The following ADRA1B variants were observed in gnomAD, a reference collection of about 807,000 sequenced individuals.
The protein encoded by ADRA1B is alpha-1B adrenergic receptor.
ADRA1B carries 17 observed loss-of-function variants against 17.9 expected under a neutral mutation model. That is an observed-to-expected ratio of 0.95 (90% CI 0.65 to 1.42). The LOEUF (loss-of-function observed/expected upper bound fraction) is 1.42, where lower values mean the gene tolerates loss of function less well. Among genes scored for constraint, ADRA1B ranks in the 40% most tolerant of loss-of-function variants. The pLI is 0.00. For synonymous variants in ADRA1B, 366 were observed against 327.6 expected, an observed-to-expected ratio of 1.12 and a Z score of -1.27; for missense variants, 681 against 722.1, an observed-to-expected ratio of 0.94 and a Z score of 0.65.
Position 159,972,025 on chromosome 5 carries a change from C to T in ADRA1B, c.1096C>T (p.Gln366Ter), listed in dbSNP as rs763518191. ...KRAFVRILGC[Q>*]CRGRGRRRRR... ...CGCTTTCGTGCGCATCCTCGGGTGC[C>T]AGTGCCGCGGCCGCGGCCGCCGCCG... Residue 366 changes from glutamine (Q) to a stop codon, truncating the protein, a stop_gained, in exon 2 of 2, where the codon CAG (glutamine) becomes TAG (stop). Transcript: ENST00000306675. LOFTEE classifies it low-confidence loss of function (END_TRUNC). 4.2e-6 allele frequency: 6 copies of T among 1,436,704 alleles called. No individual in the cohort carries two copies. The Admixed American group carries it at 7.2e-5, about 17-fold the overall frequency. The allele number at this position is 1,436,704 out of a possible 1,614,324, so 89.0% of individuals were successfully genotyped here. A position where few individuals can be genotyped will look rare whatever the true frequency, so the allele number is the denominator to read the frequency against.
At chr5:159,985,803 A>G in the ADRA1B span, among the ~76,000 whole-genome samples, 2 of 152,230 alleles carry the variant, frequency 1.3e-5, no homozygotes, top group African/African-American at 4.8e-5. Context: ...ACAAAGCCTG[A>G]TCCTGCATTG....
At chr5:159,865,780 T>A (rs1303934516) in intron 1 of ADRA1B, among the ~76,000 whole-genome samples, 2 of 152,200 alleles carry the variant, frequency 1.3e-5, no homozygotes, top group Non-Finnish European at 2.9e-5. Flanking sequence ...CTTTGTAAAA[T>A]ATATGCTTCC....
chr5:159,952,322 T>C (rs6871307), intron 1 of ADRA1B, among the ~76,000 whole-genome samples: 4,361 of 152,226 alleles, frequency 0.029, 209 homozygotes, highest in African/African-American at 0.099. Flanking sequence ...AATAATAAAA[T>C]AGAATGAGTG....
chr5:159,984,720 A>C, the ADRA1B span, among the ~76,000 whole-genome samples: 2 of 150,794 alleles, frequency 1.3e-5, no homozygotes, highest in Admixed American at 1.3e-4. Context: ...CAACATGGCG[A>C]TACCCCATCC....
At chr5:159,871,840 G>A (rs529727627) in intron 1 of ADRA1B, among the ~76,000 whole-genome samples, 1 of 152,130 alleles carries the variant, frequency 6.6e-6, no homozygotes, top group Non-Finnish European at 1.5e-5. Context: ...ATGACTTTGA[G>A]GTTATAGTTC....
chr5:159,889,121 T>C (rs949358167), intron 1 of ADRA1B, among the ~76,000 whole-genome samples: 2 of 152,144 alleles, frequency 1.3e-5, no homozygotes, highest in Non-Finnish European at 2.9e-5. Flanking sequence ...TCCAACCTCC[T>C]ACCAGTGCTT....
chr5:159,931,367 C>A (rs2113200923), intron 1 of ADRA1B, among the ~76,000 whole-genome samples: 1 of 149,998 alleles, frequency 6.7e-6, no homozygotes, highest in East Asian at 2.0e-4. Context: ...GCACTCAAGC[C>A]TGGGCAACAG....
At position 159,952,487 on chromosome 5, in the gene ADRA1B, C is replaced by T. The variant is rs958596220; in HGVS notation, c.950-19392C>T. ...CTGTGGATATGGGGGAAACTACTGT[C>T]CTTGGCTTCCTAGTGGCCTGCCTCA... On this transcript the variant is annotated intron_variant, in intron 1 of 1. Coordinates refer to ENST00000306675, the MANE Select transcript of ADRA1B (RefSeq NM_000679.4). Among the ~76,000 whole-genome samples the T allele has an allele frequency of 3.9e-5, 6 of 152,184 alleles. No homozygotes were observed. In the South Asian group the frequency reaches 1.0e-3, roughly 26 times the overall value.
chr5:159,886,873 A>G (rs1753931038), intron 1 of ADRA1B, among the ~76,000 whole-genome samples: 1 of 152,178 alleles, frequency 6.6e-6, no homozygotes, highest in African/African-American at 2.4e-5. Context: ...AAATATATAT[A>G]TACATACATA....
chr5:159,876,245 A>G (rs892286567), intron 1 of ADRA1B, among the ~76,000 whole-genome samples: 1 of 152,356 alleles, frequency 6.6e-6, no homozygotes, highest in Admixed American at 6.5e-5. Flanking sequence ...AAAAAAGTCT[A>G]CAAGTTGGCA....
Position 159,951,457 on chromosome 5 carries a change from A to G in ADRA1B, c.950-20422A>G, listed in dbSNP as rs1755437973. On this transcript the variant is annotated intron_variant, in intron 1 of 1. Transcript: ENST00000306675. ...AAGCTGCCCTGGTGAGCAGGTGCCC[A>G]ATACATCCAAATCCGTTGACTCCAG... 6 of 732,664 alleles carry G rather than the reference A, an allele frequency of 8.2e-6. No individual in the cohort carries two copies. In the Admixed American group the frequency reaches 1.0e-4, roughly 13 times the overall value. The allele number at this position is 732,664 out of a possible 1,614,324, so 45.4% of individuals were successfully genotyped here.
At chr5:159,945,135 T>C (rs1225343396) in intron 1 of ADRA1B, among the ~76,000 whole-genome samples, 1 of 152,092 alleles carries the variant, frequency 6.6e-6, no homozygotes, top group Non-Finnish European at 1.5e-5. Context: ...ATCCCTGCAC[T>C]TTGGGAGGTC....
chr5:159,902,461 T>C (rs566554386), intron 1 of ADRA1B, among the ~76,000 whole-genome samples: 1 of 151,618 alleles, frequency 6.6e-6, no homozygotes, highest in South Asian at 2.1e-4. Context: ...GTTAAAGGGG[T>C]AAATAGATGT....
At chr5:159,984,945 C>T in the ADRA1B span, among the ~76,000 whole-genome samples, 3 of 151,842 alleles carry the variant, frequency 2.0e-5, no homozygotes, top group South Asian at 6.3e-4. Flanking sequence ...GAGACTATGC[C>T]TCTGCTGGAA....
chr5:159,932,965 C>T (rs1056436996), intron 1 of ADRA1B, among the ~76,000 whole-genome samples: 1 of 152,178 alleles, frequency 6.6e-6, no homozygotes, highest in African/African-American at 2.4e-5. Flanking sequence ...CCAATTTCCA[C>T]ATGAGTAAAT....
chr5:159,955,295 C>A, intron 1 of ADRA1B: 1 of 648,058 alleles, frequency 1.5e-6, no homozygotes, highest in Non-Finnish European at 1.9e-6. Flanking sequence ...GCCAAACAAG[C>A]GAGAGGTGAC....
chr5:159,965,950 T>C (rs1213252820), intron 1 of ADRA1B, among the ~76,000 whole-genome samples: 1 of 152,134 alleles, frequency 6.6e-6, no homozygotes, highest in East Asian at 1.9e-4. Context: ...AATTTGTGTA[T>C]GTTTAGTAAA....
At chr5:159,891,100 G>C (rs1753979288) in intron 1 of ADRA1B, among the ~76,000 whole-genome samples, 1 of 152,150 alleles carries the variant, frequency 6.6e-6, no homozygotes, top group Admixed American at 6.5e-5. Context: ...GTGAGTTCCA[G>C]ATGGTCTTCT....
intron 1 of ADRA1B, among the ~76,000 whole-genome samples, chr5:159,942,152 G>C (rs1158306099): frequency 6.6e-6 from 1 of 152,040 alleles, no homozygotes; most frequent in Non-Finnish European, 1.5e-5. Context: ...TTGATCTCCT[G>C]ACCTCGTGAT....
Sources: gnomAD v4.1 joint callset for allele counts (sites outside exome capture counted in the v4.1 genomes callset) on GRCh38, gnomAD v4.1.1 for gene constraint, MANE v1.5 for transcripts, NCBI Gene and HGNC (gene_info 2026-07-23, HGNC 2026-07-21) for gene names.